Variants in DTX1 observed in about 807,000 individuals in gnomAD.
DTX1 encodes the protein E3 ubiquitin-protein ligase DTX1.
DTX1 carries 26 observed loss-of-function variants against 57.8 expected under a neutral mutation model. The ratio of observed to expected loss-of-function variants is 0.45; its 90% CI spans 0.33 to 0.62. DTX1 has a LOEUF of 0.62. Among genes scored for constraint, DTX1 ranks in the 20% least tolerant of loss-of-function variants. DTX1 has a pLI of 0.02. For synonymous variants in DTX1, 398 were observed against 394.1 expected (o/e 1.01, Z -0.12); for missense variants, 704 against 895.3 (o/e 0.79, Z 2.73).
At chr12:113,071,253 GC>G (rs1160875943) in intron 2 of DTX1, among the ~76,000 whole-genome samples, 1 of 152,176 alleles carries the variant, frequency 6.6e-6, no homozygotes. Context: ...GGCTGTGGCC[GC>G]CCCCACACCC....
intron 9 of DTX1, among the ~76,000 whole-genome samples, chr12:113,096,397 A>G (rs11829749): frequency 0.011 from 1,383 of 124,288 alleles, 21 homozygotes; most frequent in African/African-American, 0.041. Context: ...CTCTGGTTGC[A>G]CTGCTGCACT....
intron 3 of DTX1, among the ~76,000 whole-genome samples, chr12:113,089,427 G>A (rs1254009867): frequency 3.9e-5 from 6 of 152,208 alleles, no homozygotes; most frequent in East Asian, 3.9e-4. Context: ...AGTAGATTTC[G>A]GGGAGGGCCT....
At chr12:113,070,036 G>A (rs987583509) in intron 2 of DTX1, among the ~76,000 whole-genome samples, 1 of 152,130 alleles carries the variant, frequency 6.6e-6, no homozygotes, top group Admixed American at 6.5e-5. Context: ...AGCAAATGAA[G>A]CAAGGTGGCC....
At chr12:113,075,471 G>C (rs1015748548) in intron 2 of DTX1, among the ~76,000 whole-genome samples, 1 of 152,216 alleles carries the variant, frequency 6.6e-6, no homozygotes, top group African/African-American at 2.4e-5. Context: ...CCTTTCTGCA[G>C]GTGTGCCAAA....
intron 6 of DTX1, among the ~76,000 whole-genome samples, 191 bp from the exon 7 acceptor site, chr12:113,094,598 A>G (rs1950272241): frequency 6.6e-6 from 1 of 152,010 alleles, no homozygotes. Flanking sequence ...AATAAAATAA[A>G]TAAAATAACG....
intron 2 of DTX1, among the ~76,000 whole-genome samples, chr12:113,063,139 C>T (rs2136423737): frequency 6.6e-6 from 1 of 152,350 alleles, no homozygotes; most frequent in South Asian, 2.1e-4. Flanking sequence ...CTCCAACCGT[C>T]CCTCCCACAG....
intron 6 of DTX1, 81 bp downstream of exon 6, chr12:113,094,180 G>A (rs1302700978): frequency 2.3e-6 from 3 of 1,308,112 alleles, no homozygotes; most frequent in Admixed American, 2.1e-5. Context: ...TGGGTTCTGG[G>A]TGATACAGAG....
chr12:113,096,659 G>A, intron 9 of DTX1, 56 bp from the exon 10 acceptor site: 10 of 1,518,618 alleles, frequency 6.6e-6, no homozygotes, highest in Non-Finnish European at 8.9e-6. Context: ...TGAGGCTGGT[G>A]GGCTGGAAGC....
chr12:113,058,532 A>G (rs2044646488), intron 2 of DTX1, 81 bp downstream of exon 2: 2 of 1,526,126 alleles, frequency 1.3e-6, no homozygotes, highest in Admixed American at 3.8e-5. Context: ...AATCCCAGTA[A>G]ATCTGCTGAT....
intron 3 of DTX1, among the ~76,000 whole-genome samples, chr12:113,081,228 A>G (rs556484587): frequency 1.8e-4 from 28 of 152,254 alleles, no homozygotes; most frequent in African/African-American, 6.7e-4. Flanking sequence ...CTGTAATCCC[A>G]GCTACTGGGA....
rs749361573 is a variant in DTX1, at chr12:113,077,588, C to A, written c.424C>A (p.Leu142Ile). The A allele has an allele frequency of 6.2e-7, 1 of 1,613,682 alleles. No individual in the cohort carries two copies. Among genetic ancestry groups the A allele is most frequent in the Non-Finnish European group, 8.5e-7 (1 of 1,179,918 alleles). The change falls in exon 3 of 10, where the codon CTC becomes ATC. Residue 142 changes from leucine to isoleucine, a missense_variant. Around this residue, in one of 3 missense-constraint regions of DTX1, gnomAD observed 237 missense variants for 328.6 expected, o/e 0.72. Coordinates refer to ENST00000548759, the MANE Select transcript of DTX1 (RefSeq NM_004416.3). This position sits in a 1 kb window ranked among gnomAD's most constrained non-coding sequence, Gnocchi z 7.8. Reference protein sequence around the residue: ...AYEKQHPWLDLSSLGFCYLIY... With the variant: ...AYEKQHPWLDISSLGFCYLIY... ...CGAGAAGCAGCACCCGTGGCTCGAC[C>A]TCTCATCGCTAGGCTTCTGCTACCT...
rs898201280 is a variant in DTX1 at position 113,097,713 on chromosome 12, T to G, written c.*774T>G. Reference sequence around the variant, plus strand: ...TACCCCATCCTCTCCACCAAATCGCTCCCAATTTTGAGAGCCAAAGGCTGG... The same window carrying G: ...TACCCCATCCTCTCCACCAAATCGCGCCCAATTTTGAGAGCCAAAGGCTGG... On this transcript the variant is annotated 3_prime_UTR_variant, in exon 10 of 10. Coordinates refer to ENST00000548759, the MANE Select transcript of DTX1 (RefSeq NM_004416.3). The G allele has an allele frequency of 1.3e-5, 2 of 152,288 alleles. No homozygotes were observed. Among genetic ancestry groups the G allele is most frequent in the African/African-American group, 4.8e-5 (2 of 41,414 alleles). 9.4% of individuals were successfully genotyped at this position (152,288 alleles called of 1,614,324 possible).
intron 3 of DTX1, among the ~76,000 whole-genome samples, chr12:113,087,128 A>G (rs1397643098): frequency 6.7e-6 from 1 of 148,394 alleles, no homozygotes; most frequent in East Asian, 2.0e-4. Flanking sequence ...GGAGGGTTGA[A>G]GAGTGACCCC....
intron 3 of DTX1, among the ~76,000 whole-genome samples, chr12:113,086,079 A>G (rs1398080560): frequency 6.6e-6 from 1 of 151,944 alleles, no homozygotes; most frequent in Non-Finnish European, 1.5e-5. Flanking sequence ...ACCAGCCTGG[A>G]CAACATAGTG....
chr12:113,082,287 G>C (rs966582161), intron 3 of DTX1, among the ~76,000 whole-genome samples: 2 of 152,066 alleles, frequency 1.3e-5, no homozygotes, highest in Admixed American at 6.6e-5. Context: ...AGACAAGCCC[G>C]GCTCAAAGTC....
In DTX1 at chr12:113,077,001, G is replaced by A. The variant is rs1357670147; in HGVS notation, c.260-423G>A. 6.6e-6 allele frequency among the ~76,000 whole-genome samples: 1 copy of A among 151,860 alleles called. No homozygotes were observed. Among genetic ancestry groups the A allele is most frequent in the Non-Finnish European group, 1.5e-5 (1 of 67,958 alleles). On this transcript the variant is annotated intron_variant, in intron 2 of 9. Coordinates refer to ENST00000548759, the MANE Select transcript of DTX1 (RefSeq NM_004416.3). The surrounding 1 kb of genome is among the most constrained non-coding windows in gnomAD (Gnocchi z 7.8). ...TGTGATAACCCCCACTTCAGTGTCT[G>A]TCTTGGCCCTGGAGAGGTGGAGGGT...
At chr12:113,084,466 A>G (rs1240925879) in intron 3 of DTX1, among the ~76,000 whole-genome samples, 4 of 152,068 alleles carry the variant, frequency 2.6e-5, no homozygotes, top group Non-Finnish European at 5.9e-5. Flanking sequence ...GCTCACTGCA[A>G]CCTCGACCTC....
Position 113,077,455 on chromosome 12 carries a change from C to T in DTX1, c.291C>T (p.Tyr97=). The change falls in exon 3 of 10, where the codon TAC becomes TAT. Residue 97 remains tyrosine, a synonymous_variant. Coordinates refer to ENST00000548759, the MANE Select transcript of DTX1 (RefSeq NM_004416.3). This position sits in a 1 kb window ranked among gnomAD's most constrained non-coding sequence, Gnocchi z 7.8. The part of the protein sequence containing the change: ...GTMRPVRRNF[Y]DPSSAPGKGI... The stretch of plus-strand genomic sequence containing the variant: ...TGCGGCCCGTGCGGCGCAACTTCTA[C>T]GACCCGTCGTCGGCGCCGGGCAAGG... 2 of 1,610,974 alleles carry T rather than the reference C, an allele frequency of 1.2e-6. No homozygotes were observed. The highest frequency in any genetic ancestry group is 1.1e-5 in the South Asian group (1 of 91,016).
intron 2 of DTX1, among the ~76,000 whole-genome samples, chr12:113,061,523 C>A (rs1215065322): frequency 6.6e-6 from 1 of 152,218 alleles, no homozygotes; most frequent in African/African-American, 2.4e-5. Flanking sequence ...CTCTCCAGGT[C>A]TCAGTTTCCA....
Sources: allele counts gnomAD v4.1 joint callset (sites outside exome capture counted in the v4.1 genomes callset), GRCh38; gene constraint gnomAD v4.1.1; regional missense constraint gnomAD v4.1.1; non-coding constraint Gnocchi (gnomAD v3.1); transcripts MANE v1.5; gene names NCBI Gene and HGNC (gene_info 2026-07-23, HGNC 2026-07-21).